KCNMB2: variants seen among roughly 807,000 people sequenced by gnomAD.
The protein encoded by KCNMB2 is calcium-activated potassium channel subunit beta-2.
KCNMB2 carries 9 observed loss-of-function variants against 24.5 expected under a neutral mutation model. The ratio of observed to expected loss-of-function variants is 0.37; its 90% CI spans 0.22 to 0.64. KCNMB2 has a LOEUF of 0.64. KCNMB2 is among the 30% of genes least tolerant of loss of function. KCNMB2 has a pLI of 0.63. For missense variants in KCNMB2, 226 were observed against 284.3 expected, an observed-to-expected ratio of 0.79 and a Z score of 1.47; for synonymous variants, 109 against 104.4, an observed-to-expected ratio of 1.04 and a Z score of -0.27.
At chr3:178,717,558 A>G (rs770591679) in intron 1 of KCNMB2, among the ~76,000 whole-genome samples, 12 of 152,176 alleles carry the variant, frequency 7.9e-5, no homozygotes, top group Non-Finnish European at 1.6e-4. Context: ...GAATTGGACA[A>G]TTGAAGTTAA....
At chr3:178,764,760 A>G (rs1196830658) in intron 1 of KCNMB2, among the ~76,000 whole-genome samples, 4 of 152,212 alleles carry the variant, frequency 2.6e-5, no homozygotes, top group African/African-American at 9.6e-5. Context: ...GGAAGTTTTT[A>G]TATTTGCATT....
At chr3:178,692,783 AAG>A (rs1721729313) in intron 1 of KCNMB2, among the ~76,000 whole-genome samples, 1 of 152,192 alleles carries the variant, frequency 6.6e-6, no homozygotes, top group Non-Finnish European at 1.5e-5. Context: ...TAGTTATATG[AAG>A]AATCTCAACA....
intron 1 of KCNMB2, among the ~76,000 whole-genome samples, chr3:178,783,962 G>A (rs150912308): frequency 1.1e-3 from 168 of 152,218 alleles, no homozygotes; most frequent in Middle Eastern, 0.01. Flanking sequence ...TTTGAAATAC[G>A]TCCCATCAAT....
chr3:178,681,759 A>G (rs1721279023), intron 1 of KCNMB2, among the ~76,000 whole-genome samples: 3 of 152,192 alleles, frequency 2.0e-5, no homozygotes, highest in Non-Finnish European at 4.4e-5. Flanking sequence ...TCAAGTAGAC[A>G]AAGAACTAGA....
intron 1 of KCNMB2, among the ~76,000 whole-genome samples, chr3:178,734,863 A>G (rs1048832095): frequency 6.6e-6 from 1 of 152,200 alleles, no homozygotes; most frequent in Non-Finnish European, 1.5e-5. Context: ...AAAGATTCCC[A>G]CAAACTCTCA....
chr3:178,782,368 T>G (rs1712892308), intron 1 of KCNMB2, among the ~76,000 whole-genome samples: 1 of 150,644 alleles, frequency 6.6e-6, no homozygotes, highest in Non-Finnish European at 1.5e-5. Context: ...ATCGCCACAC[T>G]GACTTCCACA....
At chr3:178,620,525 G>T (rs1405278414) in intron 1 of KCNMB2, among the ~76,000 whole-genome samples, 1 of 152,136 alleles carries the variant, frequency 6.6e-6, no homozygotes, top group South Asian at 2.1e-4. Context: ...CTTGCTCCCT[G>T]GTTCATAGAC....
chr3:178,690,320 CA>C (rs1019940102), intron 1 of KCNMB2, among the ~76,000 whole-genome samples: 63 of 143,770 alleles, frequency 4.4e-4, no homozygotes, highest in Middle Eastern at 3.5e-3. Context: ...AGTGCTAGGG[CA>C]AAAAAAAAAG....
chr3:178,597,140 G>A (rs1179817282), intron 1 of KCNMB2, among the ~76,000 whole-genome samples: 1 of 152,064 alleles, frequency 6.6e-6, no homozygotes, highest in African/African-American at 2.4e-5. Flanking sequence ...ATCATGGGGA[G>A]AAATTTAATT....
At position 178,559,455 on chromosome 3, in the gene KCNMB2, C is replaced by A. The variant is rs1186820983; in HGVS notation, c.-68+22744C>A. 2.0e-5 allele frequency among the ~76,000 whole-genome samples: 3 copies of A among 151,492 alleles called. No homozygotes were observed. In the South Asian group the frequency reaches 6.3e-4, roughly 32 times the overall value. On this transcript the variant is annotated intron_variant, in intron 1 of 4. Transcript: ENST00000452583. Reference sequence around the variant, plus strand: ...TATTTGAACAATTTTTTAAAAGAAGCTCTGTCTAGACACGCAAACTGAGTT... The same window carrying A: ...TATTTGAACAATTTTTTAAAAGAAGATCTGTCTAGACACGCAAACTGAGTT...
chr3:178,624,552 G>A (rs1405829236), intron 1 of KCNMB2, among the ~76,000 whole-genome samples: 1 of 150,770 alleles, frequency 6.6e-6, no homozygotes. Context: ...TGAATTGGGG[G>A]CTTTTAGAAA....
chr3:178,759,725 TACAC>T (rs1191311625), intron 1 of KCNMB2, among the ~76,000 whole-genome samples: 24 of 68,670 alleles, frequency 3.5e-4, no homozygotes, highest in Non-Finnish European at 4.7e-4. Context: ...AGGATATATA[TACAC>T]ATATATATAT....
intron 1 of KCNMB2, chr3:178,757,200 G>C (rs1445291678): frequency 1.4e-5 from 2 of 138,312 alleles, no homozygotes; most frequent in Non-Finnish European, 3.2e-5. Flanking sequence ...AAAAAAAACA[G>C]TTACAATCAA....
chr3:178,819,075 A>C (rs1714520468), intron 2 of KCNMB2, among the ~76,000 whole-genome samples: 1 of 152,186 alleles, frequency 6.6e-6, no homozygotes, highest in Non-Finnish European at 1.5e-5. Context: ...GCCCTGGGCC[A>C]ATTTAATCCA....
intron 1 of KCNMB2, among the ~76,000 whole-genome samples, chr3:178,780,130 GT>G (rs1258428146): frequency 6.7e-6 from 1 of 148,926 alleles, no homozygotes; most frequent in East Asian, 2.0e-4. Context: ...TTCAGCTGTT[GT>G]CCTGATTGAT....
At chr3:178,726,749 T>A (rs1722979546) in intron 1 of KCNMB2, among the ~76,000 whole-genome samples, 1 of 152,088 alleles carries the variant, frequency 6.6e-6, no homozygotes. Flanking sequence ...GCCCTGAAGA[T>A]TTCAAAGTAG....
At chr3:178,762,668 GT>G (rs1237150052) in intron 1 of KCNMB2, among the ~76,000 whole-genome samples, 6 of 152,258 alleles carry the variant, frequency 3.9e-5, no homozygotes, top group African/African-American at 1.4e-4. Flanking sequence ...TGAAACTGGG[GT>G]GGCAGTAGTG....
At chr3:178,733,037 T>C (rs1310482302) in intron 1 of KCNMB2, among the ~76,000 whole-genome samples, 1 of 152,232 alleles carries the variant, frequency 6.6e-6, no homozygotes, top group Admixed American at 6.5e-5. Flanking sequence ...TAGGGTTTCA[T>C]TGTACTCTAC....
intron 1 of KCNMB2, chr3:178,748,237 T>C (rs990933061): frequency 6.6e-6 from 1 of 152,240 alleles, no homozygotes; most frequent in Non-Finnish European, 1.5e-5. Flanking sequence ...TTGAGAAATA[T>C]TCCATATCCT....
Sources: allele counts gnomAD v4.1 joint callset (sites outside exome capture counted in the v4.1 genomes callset), GRCh38; gene constraint gnomAD v4.1.1; transcripts MANE v1.5; gene names NCBI Gene and HGNC (gene_info 2026-07-23, HGNC 2026-07-21).